The following MTA1 variants were observed in gnomAD, a reference collection of about 807,000 sequenced individuals.
MTA1 encodes metastasis-associated protein MTA1.
In MTA1, 15 loss-of-function variants were observed where a neutral mutation model predicts 97.0. That is an observed-to-expected ratio of 0.15 (90% CI 0.10 to 0.24). The LOEUF is 0.24. Among genes scored for constraint, MTA1 ranks in the 10% least tolerant of loss-of-function variants. MTA1 has a pLI of 1.00. For missense variants in MTA1, 709 were observed against 1,015.1 expected (o/e 0.70, Z 4.10); for synonymous variants, 435 against 417.5 (o/e 1.04, Z -0.51).
intron 1 of MTA1, among the ~76,000 whole-genome samples, chr14:105,437,994 G>A (rs78733568): frequency 0.037 from 5,675 of 152,292 alleles, 199 homozygotes; most frequent in East Asian, 0.18. Flanking sequence ...GGGAAGCGCT[G>A]TACTCACCTG....
chr14:105,467,941 C>T (rs985690425), intron 18 of MTA1: 4 of 268,362 alleles, frequency 1.5e-5, no homozygotes, highest in South Asian at 3.7e-5. Context: ...ACACCTCACA[C>T]GTGAGTCCCA....
chr14:105,438,019 G>C (rs2082385741), intron 1 of MTA1, among the ~76,000 whole-genome samples: 1 of 152,236 alleles, frequency 6.6e-6, no homozygotes, highest in African/African-American at 2.4e-5. Context: ...CCGATCTTGG[G>C]GCACTCCCAG....
chr14:105,454,731 C>T (rs10142475), intron 7 of MTA1: 2,944 of 159,058 alleles, frequency 0.019, 96 homozygotes, highest in African/African-American at 0.067. Context: ...CTCAGCCTCC[C>T]GAGTAGCTGG....
At chr14:105,430,978 T>C (rs10873557) in intron 1 of MTA1, among the ~76,000 whole-genome samples, 143,110 of 152,222 alleles carry the variant, frequency 0.94, 67,931 homozygotes, top group East Asian at 1. Context: ...CAGGAAAAAC[T>C]TAACTTTTTC....
intron 1 of MTA1, among the ~76,000 whole-genome samples, chr14:105,429,618 A>AT (rs1392937606): frequency 2.0e-5 from 3 of 150,584 alleles, no homozygotes; most frequent in African/African-American, 4.9e-5. Flanking sequence ...TGCCCGGCTA[A>AT]TTTTTTGTAT....
chr14:105,463,429 G>T lies in MTA1; in HGVS notation c.1018-64G>T. ...CTCTCCTCTCCGTAGCCTCCAGCCTGTCTGCACTGCAGCCCCAACCTGGGC... is the reference window on the plus strand; with the variant it reads ...CTCTCCTCTCCGTAGCCTCCAGCCTTTCTGCACTGCAGCCCCAACCTGGGC... On this transcript the variant is annotated intron_variant, in intron 11 of 20. Transcript: ENST00000331320. This position sits in a 1 kb window ranked among gnomAD's most constrained non-coding sequence, Gnocchi z 5.9. The T allele has an allele frequency of 6.3e-6, 10 of 1,578,580 alleles. No individual in the cohort carries two copies. The highest frequency in any genetic ancestry group is 8.7e-6 in the Non-Finnish European group (10 of 1,149,096).
Position 105,428,182 on chromosome 14 carries a change from C to T in MTA1, c.28+8119C>T, listed in dbSNP as rs2082068927. 1.3e-5 allele frequency among the ~76,000 whole-genome samples: 2 copies of T among 152,190 alleles called. 1 individual carries two copies. ...TGTGACCTTCTGTAGTCAGCCCCCT[C>T]TTCTCCCCCAGCTCCCAGCAACACT... On this transcript the variant is annotated intron_variant, in intron 1 of 20. Coordinates refer to ENST00000331320, the MANE Select transcript of MTA1 (RefSeq NM_004689.4).
chr14:105,446,568 CT>C (rs1204883329), intron 3 of MTA1, among the ~76,000 whole-genome samples: 1 of 152,212 alleles, frequency 6.6e-6, no homozygotes, highest in African/African-American at 2.4e-5. Flanking sequence ...CAACCTCCCC[CT>C]GCTCTGGGAG....
intron 3 of MTA1, among the ~76,000 whole-genome samples, chr14:105,446,867 G>C (rs904027801): frequency 3.3e-5 from 5 of 152,200 alleles, no homozygotes; most frequent in African/African-American, 1.2e-4. Context: ...GCTTTCTCTG[G>C]CTTTGTGAGG....
chr14:105,467,014 GCTGT>G (rs1555433088), intron 18 of MTA1: 6 of 555,090 alleles, frequency 1.1e-5, no homozygotes, highest in African/African-American at 7.8e-5. Context: ...CCCTGCCTGC[GCTGT>G]CTGCCATCGC....
At chr14:105,451,918 G>A (rs2082958494) in intron 6 of MTA1, among the ~76,000 whole-genome samples, 1 of 151,398 alleles carries the variant, frequency 6.6e-6, no homozygotes, top group Non-Finnish European at 1.5e-5. Flanking sequence ...AGCCTCCCGA[G>A]TAGCTGGGAT....
rs1567054692 is a variant in MTA1 at position 105,470,564 on chromosome 14, T to C, written c.*349T>C. ...CCATTTTAAATTTTATTTTTATTAC[T>C]TTTTTTGTAGATGAACTTGAGCTCT... On this transcript the variant is annotated 3_prime_UTR_variant, in exon 21 of 21. Transcript: ENST00000331320. 2 of 226,868 alleles carry C rather than the reference T, an allele frequency of 8.8e-6. No homozygotes were observed. The highest frequency in any genetic ancestry group is 2.0e-4 in the East Asian group (2 of 9,826). 14.1% of individuals were successfully genotyped at this position (226,868 alleles called of 1,614,324 possible). A position where few individuals can be genotyped will look rare whatever the true frequency, so the allele number is the denominator to read the frequency against.
rs978967744 is a variant in MTA1 at position 105,422,507 on chromosome 14, T to C, written c.28+2444T>C. On this transcript the variant is annotated intron_variant, in intron 1 of 20. Coordinates refer to ENST00000331320, the MANE Select transcript of MTA1 (RefSeq NM_004689.4). The surrounding 1 kb of genome is among the most constrained non-coding windows in gnomAD (Gnocchi z 4.3). ...CAGCCTGGGAAGGGGCTTGCTCCTG[T>C]GCCCCCCCACCCCAGGGACCTTGTG... 3.9e-5 allele frequency among the ~76,000 whole-genome samples: 6 copies of C among 152,144 alleles called. No homozygotes were observed. The highest frequency in any genetic ancestry group is 1.4e-4 in the African/African-American group (6 of 41,430).
chr14:105,425,091 C>T (rs371568057), intron 1 of MTA1, among the ~76,000 whole-genome samples: 4 of 152,172 alleles, frequency 2.6e-5, no homozygotes, highest in East Asian at 3.9e-4. Flanking sequence ...ACCCGGGAGG[C>T]GGCTTGGGGG....
chr14:105,468,343 T>A (rs1555433415), intron 18 of MTA1: 2 of 1,304,292 alleles, frequency 1.5e-6, no homozygotes, highest in Non-Finnish European at 2.0e-6. Flanking sequence ...GGTAGGCACT[T>A]ACCTGGGTAA....
At chr14:105,426,368 C>G (rs868914805) in intron 1 of MTA1, among the ~76,000 whole-genome samples, 4 of 108,238 alleles carry the variant, frequency 3.7e-5, no homozygotes, top group Non-Finnish European at 7.1e-5. Flanking sequence ...AGCGAGACTT[C>G]GTCTCACAAA....
intron 1 of MTA1, among the ~76,000 whole-genome samples, chr14:105,431,110 C>G (rs1555423244): frequency 6.6e-6 from 1 of 152,212 alleles, no homozygotes; most frequent in African/African-American, 2.4e-5. Flanking sequence ...CACTGCTTAC[C>G]TGGAGAGAAT....
At chr14:105,456,563 C>T (rs782265363) in intron 7 of MTA1, among the ~76,000 whole-genome samples, 1 of 152,224 alleles carries the variant, frequency 6.6e-6, no homozygotes, top group African/African-American at 2.4e-5. Context: ...CGGGACGTGG[C>T]GTCCAGAGCT....
rs587637519 is a variant in MTA1 at position 105,420,576 on chromosome 14, C to A, written c.28+513C>A. 8.5e-3 allele frequency among the ~76,000 whole-genome samples: 1,287 copies of A among 152,302 alleles called. 21 individuals carry two copies. Among genetic ancestry groups the A allele is most frequent in the African/African-American group, 0.029 (1,216 of 41,582 alleles). Reference sequence around the variant, plus strand: ...CCTGCAGCCTGGCCCCGGGGCTTCCCCCAGCAGGGATCCCTCAGGGGGTCT... The same window carrying A: ...CCTGCAGCCTGGCCCCGGGGCTTCCACCAGCAGGGATCCCTCAGGGGGTCT... On this transcript the variant is annotated intron_variant, in intron 1 of 20. Transcript: ENST00000331320. This position sits in a 1 kb window ranked among gnomAD's most constrained non-coding sequence, Gnocchi z 5.3.
Sources: allele counts gnomAD v4.1 joint callset (sites outside exome capture counted in the v4.1 genomes callset), GRCh38; gene constraint gnomAD v4.1.1; non-coding constraint Gnocchi (gnomAD v3.1); transcripts MANE v1.5; gene names NCBI Gene and HGNC (gene_info 2026-07-23, HGNC 2026-07-21).